Variants in TEX11 observed in about 807,000 individuals in gnomAD.
TEX11 encodes testis-expressed protein 11.
In TEX11, 7 loss-of-function variants were observed where a neutral mutation model predicts 84.4. The observed-to-expected ratio is 0.08, with a 90% CI of 0.05 to 0.16. The LOEUF (loss-of-function observed/expected upper bound fraction) is 0.16. TEX11 is among the 10% of genes least tolerant of loss of function. The pLI, the probability that TEX11 is intolerant of heterozygous loss-of-function variation, is 1.00. For synonymous variants in TEX11, 264 were observed against 222.8 expected, an observed-to-expected ratio of 1.18 and a Z score of -1.64; for missense variants, 551 against 660.5, an observed-to-expected ratio of 0.83 and a Z score of 1.82.
chrX:70,753,161 A>G (rs2090841205), intron 9 of TEX11, among the ~76,000 whole-genome samples: 3 of 81,418 alleles, frequency 3.7e-5, no homozygotes, highest in Admixed American at 3.8e-4. Context: ...AGAGAGTCCT[A>G]GTGCTGAACT....
intron 4 of TEX11, among the ~76,000 whole-genome samples, chrX:70,862,426 A>C (rs986157288): frequency 8.9e-6 from 1 of 111,770 alleles, no homozygotes; most frequent in Non-Finnish European, 1.9e-5. Flanking sequence ...CCTTTGAAAA[A>C]GAGATTTGTC....
intron 20 of TEX11, among the ~76,000 whole-genome samples, 176 bp downstream of exon 20, chrX:70,623,768 AACTTGC>A (rs11278589): frequency 0.19 from 21,273 of 110,567 alleles, 1,622 homozygotes; most frequent in African/African-American, 0.21. Flanking sequence ...GACATTAAGA[AACTTGC>A]TGAAGGTTAC....
intron 13 of TEX11, among the ~76,000 whole-genome samples, chrX:70,685,724 C>T (rs1377058642): frequency 1.8e-5 from 2 of 112,047 alleles, no homozygotes; most frequent in African/African-American, 3.2e-5. Flanking sequence ...TTCTCCATAG[C>T]CTCGCCAGCA....
intron 7 of TEX11, among the ~76,000 whole-genome samples, chrX:70,845,116 C>A (rs1418104477): frequency 9.0e-6 from 1 of 111,685 alleles, no homozygotes; most frequent in East Asian, 2.8e-4. Context: ...ATGAAGAATG[C>A]AAAATGGTAC....
chrX:70,583,448 T>A (rs748499009), intron 25 of TEX11, among the ~76,000 whole-genome samples: 1 of 112,468 alleles, frequency 8.9e-6, no homozygotes, highest in East Asian at 2.8e-4. Flanking sequence ...CATTCTATTT[T>A]TATGGCTGAG....
Position 70,648,195 on chromosome X carries a change from T to C in TEX11, c.1483+3255A>G, listed in dbSNP as rs1020267902. On this transcript the variant is annotated intron_variant, in intron 17 of 29. Transcript: ENST00000374333. Reference sequence around the variant, plus strand: ...ACCAAACACCGCATATTCTCACTCATAGGTGGGAATTGAACAATGAGAACA... The same window carrying C: ...ACCAAACACCGCATATTCTCACTCACAGGTGGGAATTGAACAATGAGAACA... Among the ~76,000 whole-genome samples, 97 of 110,679 alleles carry C rather than the reference T, an allele frequency of 8.8e-4. 3 individuals carry two copies. Among genetic ancestry groups the C allele is most frequent in the Non-Finnish European group, 1.3e-4 (7 of 52,937 alleles).
chrX:70,649,157 G>T (rs1045857039), intron 17 of TEX11, among the ~76,000 whole-genome samples: 12 of 111,946 alleles, frequency 1.1e-4, no homozygotes, highest in Non-Finnish European at 1.9e-4. Flanking sequence ...TTGCTATTGT[G>T]AATAGTGCTG....
chrX:70,890,361 C>T (rs868661440), intron 2 of TEX11, among the ~76,000 whole-genome samples: 2 of 111,437 alleles, frequency 1.8e-5, no homozygotes, highest in African/African-American at 6.5e-5. Flanking sequence ...GTGCAGCCCA[C>T]GGAGGGTGAG....
intron 17 of TEX11, among the ~76,000 whole-genome samples, chrX:70,631,858 A>G (rs1303856948): frequency 1.4e-5 from 1 of 72,010 alleles, no homozygotes; most frequent in Admixed American, 1.8e-4. Flanking sequence ...GTTTCCAAAG[A>G]GAAGTAAAGC....
intron 9 of TEX11, among the ~76,000 whole-genome samples, chrX:70,776,064 C>A (rs5936591): frequency 0.012 from 524 of 43,408 alleles, 3 homozygotes; most frequent in East Asian, 0.09. Context: ...AAAAAAAAAA[C>A]AAACTTATAA....
chrX:70,729,946 C>T (rs1426659503), intron 11 of TEX11, among the ~76,000 whole-genome samples: 2 of 112,463 alleles, frequency 1.8e-5, no homozygotes, highest in African/African-American at 6.4e-5. Flanking sequence ...GTCCATCAGA[C>T]TAACAGCTGA....
At chrX:70,806,427 G>C (rs1394354302) in intron 9 of TEX11, among the ~76,000 whole-genome samples, 2 of 106,817 alleles carry the variant, frequency 1.9e-5, no homozygotes, top group African/African-American at 6.9e-5. Context: ...TTGCACTCCA[G>C]CCTAGGTGAC....
intron 9 of TEX11, among the ~76,000 whole-genome samples, chrX:70,802,447 C>T (rs926697661): frequency 9.0e-6 from 1 of 111,354 alleles, no homozygotes; most frequent in Non-Finnish European, 1.9e-5. Flanking sequence ...GTAATCATTT[C>T]ACAGTGTATA....
intron 16 of TEX11, among the ~76,000 whole-genome samples, chrX:70,666,385 A>C (rs2089976295): frequency 8.9e-6 from 1 of 112,363 alleles, no homozygotes; most frequent in South Asian, 3.7e-4. Flanking sequence ...AACATAGATC[A>C]TGGCTAGGAA....
At chrX:70,608,290 C>T (rs2089217755) in intron 22 of TEX11, among the ~76,000 whole-genome samples, 1 of 111,891 alleles carries the variant, frequency 8.9e-6, no homozygotes, top group South Asian at 3.7e-4. Flanking sequence ...CTTATAACAC[C>T]ATATATTAGT....
At chrX:70,654,638 G>C (rs749575623) in intron 16 of TEX11, among the ~76,000 whole-genome samples, 7 of 103,619 alleles carry the variant, frequency 6.8e-5, no homozygotes, top group Non-Finnish European at 1.2e-4. Flanking sequence ...TTGAACATGG[G>C]AGGCGGAGTT....
chrX:70,590,996 G>A lies in TEX11; in HGVS notation c.2140+755C>T, dbSNP rs192206516. Among the ~76,000 whole-genome samples the A allele has an allele frequency of 2.6e-3, 292 of 110,866 alleles. 3 individuals carry two copies. The highest frequency in any genetic ancestry group is 8.7e-3 in the African/African-American group (267 of 30,582). On this transcript the variant is annotated intron_variant, in intron 25 of 29. Coordinates refer to ENST00000374333, the MANE Select transcript of TEX11 (RefSeq NM_031276.3). ...ACTCCTAATCTCAGGTGATCTGTCC[G>A]CCTCGGCCTCCCAAAGTGCTGGGAT...
intron 22 of TEX11, 48 bp downstream of exon 22, chrX:70,609,043 A>C: frequency 9.5e-7 from 1 of 1,048,729 alleles, no homozygotes; most frequent in Non-Finnish European, 1.3e-6. Context: ...CATCTGTCTA[A>C]TTCCACCACC....
intron 7 of TEX11, among the ~76,000 whole-genome samples, chrX:70,836,538 T>C (rs1319407451): frequency 8.9e-6 from 1 of 111,847 alleles, no homozygotes; most frequent in Admixed American, 9.5e-5. Context: ...TAAAGGGAGA[T>C]ACAGATGGCA....
Sources: allele counts gnomAD v4.1 joint callset (sites outside exome capture counted in the v4.1 genomes callset), GRCh38; gene constraint gnomAD v4.1.1; transcripts MANE v1.5; gene names NCBI Gene and HGNC (gene_info 2026-07-23, HGNC 2026-07-21).